The following NRG3 variants were observed in gnomAD, a reference collection of about 807,000 sequenced individuals.
NRG3 encodes the protein neuregulin 3.
NRG3 carries 31 observed loss-of-function variants against 66.9 expected under a neutral mutation model. The observed-to-expected ratio is 0.46, with a 90% confidence interval of 0.35 to 0.63. NRG3 has a LOEUF of 0.63. Among genes scored for constraint, NRG3 ranks in the 20% least tolerant of loss-of-function variants. The pLI is 0.00. For missense variants in NRG3, 910 were observed against 878.9 expected (o/e 1.04, Z -0.45); for synonymous variants, 393 against 359.4 (o/e 1.09, Z -1.06).
At chr10:82,185,247 T>C (rs1044769206) in intron 1 of NRG3, among the ~76,000 whole-genome samples, 2 of 152,154 alleles carry the variant, frequency 1.3e-5, no homozygotes, top group Non-Finnish European at 2.9e-5. Flanking sequence ...TTACTACATG[T>C]ATGTGCTAGG....
chr10:82,604,980 T>C lies in NRG3; in HGVS notation c.954-133597T>C, dbSNP rs146922716. Among the ~76,000 whole-genome samples the C allele has an allele frequency of 3.4e-3, 511 of 152,252 alleles. 6 individuals carry two copies. Among genetic ancestry groups the C allele is most frequent in the African/African-American group, 0.012 (485 of 41,584 alleles). ...TCACAAATAGTTCTTTACTGAATCATGTCATCTACAAACACAGGTTTTTCT... is the reference window on the plus strand; with the variant it reads ...TCACAAATAGTTCTTTACTGAATCACGTCATCTACAAACACAGGTTTTTCT... On this transcript the variant is annotated intron_variant, in intron 2 of 8. Transcript: ENST00000372141.
intron 2 of NRG3, among the ~76,000 whole-genome samples, chr10:82,550,637 G>A (rs573850495): frequency 6.6e-6 from 1 of 152,004 alleles, no homozygotes; most frequent in African/African-American, 2.4e-5. Context: ...CTAATTCCTT[G>A]GGTTGTCCTA....
chr10:82,399,900 A>G (rs564513101), intron 2 of NRG3, among the ~76,000 whole-genome samples: 3 of 152,176 alleles, frequency 2.0e-5, no homozygotes, highest in Non-Finnish European at 4.4e-5. Context: ...AAATATATAA[A>G]TTTATCTACA....
chr10:81,906,903 G>C (rs916607167), intron 1 of NRG3, among the ~76,000 whole-genome samples: 2 of 152,036 alleles, frequency 1.3e-5, no homozygotes, highest in Non-Finnish European at 2.9e-5. Context: ...GAGCAGTGAG[G>C]GTCTAGAGGA....
intron 2 of NRG3, among the ~76,000 whole-genome samples, chr10:82,503,773 C>G (rs1431783506): frequency 6.6e-6 from 1 of 152,082 alleles, no homozygotes; most frequent in Non-Finnish European, 1.5e-5. Context: ...ATCCCAAATT[C>G]CAGGGTTTAC....
intron 2 of NRG3, among the ~76,000 whole-genome samples, chr10:82,665,538 TC>T (rs780623060): frequency 3.9e-5 from 6 of 152,326 alleles, no homozygotes; most frequent in Non-Finnish European, 8.8e-5. Context: ...AAACTTTGTC[TC>T]CTCATGACTG....
At chr10:82,287,019 C>A (rs549448100) in intron 1 of NRG3, among the ~76,000 whole-genome samples, 3 of 152,172 alleles carry the variant, frequency 2.0e-5, no homozygotes, top group Non-Finnish European at 4.4e-5. Flanking sequence ...AATTAAAGTA[C>A]TGTTATAGCA....
rs182472835 is a variant in NRG3, at chr10:82,250,556, C to T, written c.824-108183C>T. ...TTAGCCAAGATGGAGCCATTGCACT[C>T]CAGCTTGGGCAACAAGAGCGAAACT... On this transcript the variant is annotated intron_variant, in intron 1 of 8. Coordinates refer to ENST00000372141, the MANE Select transcript of NRG3 (RefSeq NM_001010848.4). Among the ~76,000 whole-genome samples the T allele has an allele frequency of 1.2e-3, 184 of 152,278 alleles. 2 individuals are homozygous for T. The highest frequency in any genetic ancestry group is 4.4e-3 in the African/African-American group (181 of 41,564).
At chr10:82,625,497 G>A (rs1158597605) in intron 2 of NRG3, among the ~76,000 whole-genome samples, 1 of 152,162 alleles carries the variant, frequency 6.6e-6, no homozygotes, top group African/African-American at 2.4e-5. Flanking sequence ...TGATATTATA[G>A]CCTTGGAAGT....
rs1849512145 is a variant in NRG3 at position 82,951,506 on chromosome 10, T to TGACA, written c.1092_1093insGACA (p.Ser365AspfsTer27). On this transcript the variant is annotated frameshift_variant, in exon 5 of 9. Transcript: ENST00000372141. LOFTEE classifies it high-confidence loss of function. The stretch of plus-strand genomic sequence containing the variant: ...TTTATCAAAGGCAGGTGCTGTCAAT[T>TGACA]TCATGTATCATCTTTGGAATTGTCA... 1 of 1,613,888 alleles carries TGACA rather than the reference T, an allele frequency of 6.2e-7. No homozygotes were observed. Among genetic ancestry groups the TGACA allele is most frequent in the Non-Finnish European group, 8.5e-7 (1 of 1,179,886 alleles).
At chr10:82,705,097 G>C (rs1183753522) in intron 2 of NRG3, among the ~76,000 whole-genome samples, 3 of 152,156 alleles carry the variant, frequency 2.0e-5, no homozygotes, top group Non-Finnish European at 4.4e-5. Flanking sequence ...TAGTTTGCTG[G>C]AGAAACAAGA....
intron 1 of NRG3, among the ~76,000 whole-genome samples, chr10:82,092,922 CA>C (rs1265049220): frequency 6.6e-6 from 1 of 152,154 alleles, no homozygotes; most frequent in Non-Finnish European, 1.5e-5. Context: ...CTGGTGCAAA[CA>C]TGAAGTGCAT....
intron 1 of NRG3, among the ~76,000 whole-genome samples, chr10:82,240,683 TTGTC>T (rs2076969684): frequency 6.6e-6 from 1 of 152,186 alleles, no homozygotes; most frequent in Non-Finnish European, 1.5e-5. Context: ...GCTATTTACT[TTGTC>T]TGAAAGTTCA....
At chr10:82,300,341 T>C (rs2080323668) in intron 1 of NRG3, among the ~76,000 whole-genome samples, 1 of 152,182 alleles carries the variant, frequency 6.6e-6, no homozygotes, top group South Asian at 2.1e-4. Flanking sequence ...AGATGATGGT[T>C]TCTTATACCA....
At chr10:82,475,359 A>G (rs915783959) in intron 2 of NRG3, among the ~76,000 whole-genome samples, 1 of 152,074 alleles carries the variant, frequency 6.6e-6, no homozygotes, top group African/African-American at 2.4e-5. Flanking sequence ...TCTAGGGGAA[A>G]TGGCCAAATT....
intron 1 of NRG3, among the ~76,000 whole-genome samples, chr10:82,019,103 ATGTC>A (rs2061931603): frequency 1.3e-5 from 2 of 152,284 alleles, no homozygotes; most frequent in East Asian, 1.9e-4. Context: ...ATTTTGAGAT[ATGTC>A]CCATCAATAC....
intron 1 of NRG3, among the ~76,000 whole-genome samples, chr10:81,887,965 C>T (rs932055017): frequency 6.6e-6 from 1 of 152,076 alleles, no homozygotes; most frequent in African/African-American, 2.4e-5. Flanking sequence ...TTGATTTGTG[C>T]ACTTTTTGTA....
intron 3 of NRG3, among the ~76,000 whole-genome samples, chr10:82,810,798 G>T (rs1447667393): frequency 3.3e-5 from 5 of 151,632 alleles, no homozygotes; most frequent in African/African-American, 9.7e-5. Flanking sequence ...GATGCTGAGG[G>T]TGTGAACTAG....
intron 1 of NRG3, among the ~76,000 whole-genome samples, chr10:82,114,508 G>A (rs187222575): frequency 8.0e-4 from 121 of 152,096 alleles, no homozygotes; most frequent in African/African-American, 2.8e-3. Context: ...AAGAAAAGAG[G>A]GGTAGTAAAC....
Sources: gnomAD v4.1 joint callset for allele counts (sites outside exome capture counted in the v4.1 genomes callset) on GRCh38, gnomAD v4.1.1 for gene constraint, MANE v1.5 for transcripts, NCBI Gene and HGNC (gene_info 2026-07-23, HGNC 2026-07-21) for gene names.